DCX: variants seen among roughly 807,000 people sequenced by gnomAD.
DCX encodes the protein doublecortin.
Under a neutral mutation model 20.9 loss-of-function variants are expected in DCX, and 4 were observed. That is an observed-to-expected ratio of 0.19 (90% CI 0.09 to 0.44). The LOEUF (loss-of-function observed/expected upper bound fraction) is 0.44. DCX is among the 20% of genes least tolerant of loss of function. The pLI is 0.99. For missense variants in DCX, 133 were observed against 296.9 expected (o/e 0.45, Z 4.06); for synonymous variants, 103 against 111.4 (o/e 0.92, Z 0.47).
rs59654488 is a variant in DCX at position 111,404,284 on chromosome X, G to A, written c.365-2954C>T. The stretch of plus-strand genomic sequence containing the variant: ...AGGAAAAAAAAGAGAAAGTATCAAG[G>A]GCAACCATCTAGGAACTGAGCTGTG... On this transcript the variant is annotated intron_variant, in intron 2 of 6. Coordinates refer to ENST00000636035, the MANE Select transcript of DCX (RefSeq NM_001195553.2). 3.5e-3 allele frequency among the ~76,000 whole-genome samples: 385 copies of A among 111,274 alleles called. 3 individuals carry two copies. The highest frequency in any genetic ancestry group is 0.012 in the African/African-American group (360 of 30,691).
intron 3 of DCX, among the ~76,000 whole-genome samples, chrX:111,335,883 G>A (rs1276400288): frequency 9.1e-6 from 1 of 109,338 alleles, no homozygotes; most frequent in Non-Finnish European, 1.9e-5. Context: ...GAACCTGGGA[G>A]GCGGAGATTG....
rs1334352878 is a variant in DCX, at chrX:111,372,406, G to C, written c.705+28584C>G. 1.8e-5 allele frequency among the ~76,000 whole-genome samples: 2 copies of C among 111,940 alleles called. 1 individual carries two copies. On this transcript the variant is annotated intron_variant, in intron 3 of 6. Transcript: ENST00000636035. ...AACATCTCCACAGAACGAGAGAATG[G>C]GCAGGGCTGGAGCTCACTCAAGCTA...
intron 6 of DCX, among the ~76,000 whole-genome samples, chrX:111,304,389 T>C (rs139846693): frequency 0.03 from 3,412 of 112,151 alleles, 144 homozygotes; most frequent in African/African-American, 0.11. Flanking sequence ...ATGAATCTTG[T>C]AAAAATACTA....
rs2095029955 is a variant in DCX at position 111,299,922 on chromosome X, C to T, written c.*1765G>A. 1 of 111,066 alleles carries T rather than the reference C, an allele frequency of 9.0e-6. No individual in the cohort carries two copies. The allele number at this position is 111,066 out of a possible 1,213,427, so 9.2% of individuals were successfully genotyped here. On this transcript the variant is annotated 3_prime_UTR_variant, in exon 7 of 7. Transcript: ENST00000636035. The stretch of plus-strand genomic sequence containing the variant: ...TACACAGTGCACATCAGCAGTGCCA[C>T]CCAGTTGCCACCAATCCATTACAGG...
intron 3 of DCX, among the ~76,000 whole-genome samples, chrX:111,382,435 C>A (rs762922978): frequency 4.5e-5 from 5 of 111,887 alleles, no homozygotes; most frequent in Non-Finnish European, 9.4e-5. Flanking sequence ...TAGACAAGTG[C>A]TATCCCAAAA....
chrX:111,307,014 G>A, intron 6 of DCX, among the ~76,000 whole-genome samples: 1 of 110,549 alleles, frequency 9.0e-6, no homozygotes, highest in East Asian at 2.8e-4. Flanking sequence ...AAAGGGAAGG[G>A]GCTGCGACTG....
rs1272393284 is a variant in DCX, at chrX:111,333,034, C to G, written c.808+17G>C. ...GGAGAGAACAATGGAGCAATAAAAC[C>G]CAGTGGTTATGCTTACCATTTTCAT... On this transcript the variant is annotated intron_variant, in intron 4 of 6. Transcript: ENST00000636035. The G allele has an allele frequency of 8.7e-7, 1 of 1,143,149 alleles. No individual in the cohort carries two copies. 94.2% of individuals were successfully genotyped at this position (1,143,149 alleles called of 1,213,427 possible).
At chrX:111,372,905 C>T (rs1427313776) in intron 3 of DCX, among the ~76,000 whole-genome samples, 1 of 111,089 alleles carries the variant, frequency 9.0e-6, no homozygotes, top group Non-Finnish European at 1.9e-5. Context: ...TATCAGACTG[C>T]CAGGGTTATT....
At chrX:111,315,094 G>A (rs1230261245) in intron 5 of DCX, among the ~76,000 whole-genome samples, 1 of 109,128 alleles carries the variant, frequency 9.2e-6, no homozygotes, top group Admixed American at 9.6e-5. Flanking sequence ...TATGGTTTTA[G>A]GTTTAACGTT....
chrX:111,346,566 A>T (rs1922841099), intron 3 of DCX, among the ~76,000 whole-genome samples: 1 of 112,143 alleles, frequency 8.9e-6, no homozygotes, highest in Non-Finnish European at 1.9e-5. Context: ...AGGAATAAGA[A>T]GTCATTGCTT....
intron 3 of DCX, among the ~76,000 whole-genome samples, chrX:111,395,355 G>A (rs1323461323): frequency 8.9e-6 from 1 of 111,900 alleles, no homozygotes; most frequent in East Asian, 2.8e-4. Context: ...ACAAGAGACT[G>A]GAATTCTATG....
At chrX:111,339,712 C>T (rs1450092074) in intron 3 of DCX, among the ~76,000 whole-genome samples, 2 of 112,175 alleles carry the variant, frequency 1.8e-5, no homozygotes, top group African/African-American at 3.2e-5. Context: ...TTCCATCCAA[C>T]TGCCTGTTCA....
At chrX:111,319,530 T>C (rs772878961) in intron 5 of DCX, among the ~76,000 whole-genome samples, 43 of 112,251 alleles carry the variant, frequency 3.8e-4, no homozygotes, top group Non-Finnish European at 5.6e-4. Context: ...AGGCTTTTTG[T>C]GAATAACAAA....
intron 2 of DCX, 85 bp downstream of exon 2, chrX:111,409,950 A>T: frequency 8.6e-7 from 1 of 1,167,690 alleles, no homozygotes; most frequent in Non-Finnish European, 1.2e-6. Context: ...ACATTGCCTA[A>T]TTTTTTTTCA....
chrX:111,338,438 A>G (rs980633222), intron 3 of DCX, among the ~76,000 whole-genome samples: 1 of 111,961 alleles, frequency 8.9e-6, no homozygotes, highest in Non-Finnish European at 1.9e-5. Context: ...CTCAGTAAAC[A>G]TAACAGATGA....
At chrX:111,409,253 TG>T (rs1928501891) in intron 2 of DCX, among the ~76,000 whole-genome samples, 1 of 111,834 alleles carries the variant, frequency 8.9e-6, no homozygotes, top group Non-Finnish European at 1.9e-5. Context: ...ACTCTATGGC[TG>T]GGTAAGTTCT....
At chrX:111,308,602 G>A (rs2095050615) in intron 6 of DCX, among the ~76,000 whole-genome samples, 1 of 111,155 alleles carries the variant, frequency 9.0e-6, no homozygotes. Flanking sequence ...GTTGCCTTCT[G>A]TGATTTAAGG....
intron 3 of DCX, among the ~76,000 whole-genome samples, chrX:111,396,288 G>C (rs1365873159): frequency 2.7e-5 from 3 of 112,029 alleles, no homozygotes; most frequent in Non-Finnish European, 3.8e-5. Flanking sequence ...GTGCTATAAA[G>C]GTACAGACAA....
intron 3 of DCX, among the ~76,000 whole-genome samples, chrX:111,397,971 G>A (rs983230913): frequency 9.0e-6 from 1 of 111,194 alleles, no homozygotes; most frequent in Non-Finnish European, 1.9e-5. Flanking sequence ...GAATCTCTAA[G>A]AATGGCACAC....
Sources: allele counts gnomAD v4.1 joint callset (sites outside exome capture counted in the v4.1 genomes callset), GRCh38; gene constraint gnomAD v4.1.1; transcripts MANE v1.5; gene names NCBI Gene and HGNC (gene_info 2026-07-23, HGNC 2026-07-21).